GNAS: variants seen among roughly 807,000 people sequenced by gnomAD.
GNAS encodes protein ALEX.
Under a neutral mutation model 54.5 loss-of-function variants are expected in GNAS, and 8 were observed. The ratio of observed to expected loss-of-function variants is 0.15; its 90% CI spans 0.09 to 0.26. The LOEUF is 0.26. GNAS is among the 10% of genes least tolerant of loss of function. The probability of loss-of-function intolerance (pLI) is 1.00; values close to 1 mark genes in which losing one functional copy is unlikely to be tolerated. For synonymous variants in GNAS, 204 were observed against 191.4 expected (o/e 1.07, Z -0.54); for missense variants, 170 against 529.8 (o/e 0.32, Z 6.67).
intron 3 of GNAS, among the ~76,000 whole-genome samples, chr20:58,901,800 G>T (rs1210889369): frequency 6.6e-6 from 1 of 151,728 alleles, no homozygotes; most frequent in East Asian, 1.9e-4. Flanking sequence ...TTTGTGGAAG[G>T]CCTGTCGACA....
chr20:58,866,917 C>G (rs77057913), intron 1 of GNAS, among the ~76,000 whole-genome samples: 3,409 of 152,134 alleles, frequency 0.022, 66 homozygotes, highest in Middle Eastern at 0.054. Flanking sequence ...TTAGCTTTTA[C>G]TATCAGGATT....
intron 1 of GNAS, among the ~76,000 whole-genome samples, chr20:58,860,342 TTTTTGTTTTG>T (rs531282450): frequency 6.6e-6 from 1 of 152,042 alleles, no homozygotes; most frequent in African/African-American, 2.4e-5. Flanking sequence ...TTTTTTGGTT[TTTTTGTTTTG>T]TTTTGTTTTG....
chr20:58,880,432 C>G (rs763188142), intron 1 of GNAS, among the ~76,000 whole-genome samples: 1 of 152,034 alleles, frequency 6.6e-6, no homozygotes, highest in Non-Finnish European at 1.5e-5. Flanking sequence ...TACCACATAC[C>G]GAGAATTTCA....
In GNAS at chr20:58,910,467, C is replaced by T; in HGVS notation, c.1038+66C>T. 1 of 1,344,844 alleles carries T rather than the reference C, an allele frequency of 7.4e-7. No homozygotes were observed. Among genetic ancestry groups the T allele is most frequent in the South Asian group, 1.2e-5 (1 of 85,640 alleles). 83.3% of individuals were successfully genotyped at this position (1,344,844 alleles called of 1,614,324 possible). On this transcript the variant is annotated intron_variant, in intron 12 of 12. Coordinates refer to ENST00000371085, the MANE Select transcript of GNAS (RefSeq NM_000516.7). The surrounding 1 kb of genome is among the most constrained non-coding windows in gnomAD (Gnocchi z 5.8). ...TCTTTTTCTCATGGATGTAAATTTA[C>T]TTAATTCCAAATTCAGGGGTTCAGC... is the stretch of plus-strand genomic sequence containing the variant.
At chr20:58,839,812 CG>C (rs1431804157), upstream of GNAS, 11 of 585,224 alleles carry the variant, frequency 1.9e-5, no homozygotes, top group South Asian at 2.4e-4. Context: ...TCTTAGGCTG[CG>C]GAATCTAAGA....
intron 1 of GNAS, among the ~76,000 whole-genome samples, chr20:58,876,320 C>T (rs923185487): frequency 6.6e-6 from 1 of 151,826 alleles, no homozygotes; most frequent in Non-Finnish European, 1.5e-5. Flanking sequence ...ATTATGAGTC[C>T]CTCCCATAAT....
chr20:58,854,505 G>T, intron 1 of GNAS: 1 of 1,575,892 alleles, frequency 6.3e-7, no homozygotes, highest in East Asian at 2.3e-5. Flanking sequence ...TCCCGACTCC[G>T]GGACAGCACC....
chr20:58,901,883 G>C (rs938468790), intron 3 of GNAS, among the ~76,000 whole-genome samples: 2 of 128,788 alleles, frequency 1.6e-5, no homozygotes, highest in African/African-American at 3.1e-5. Flanking sequence ...TGCCCTGCTC[G>C]TCTGCTCGTC....
chr20:58,897,117 C>T (rs1601044678), intron 2 of GNAS, among the ~76,000 whole-genome samples: 1 of 152,312 alleles, frequency 6.6e-6, no homozygotes, highest in East Asian at 1.9e-4. Flanking sequence ...GGTTGGGATG[C>T]ACAGGGGGCT....
chr20:58,872,972 G>T (rs1047375808), intron 1 of GNAS, among the ~76,000 whole-genome samples: 5 of 152,212 alleles, frequency 3.3e-5, no homozygotes, highest in African/African-American at 1.2e-4. Flanking sequence ...CAACCACAAA[G>T]GCAGAAGTGG....
rs2091369282 is a variant in GNAS at position 58,910,565 on chromosome 20, T to C, written c.1039-118T>C. 1 of 1,341,680 alleles carries C rather than the reference T, an allele frequency of 7.5e-7. No individual in the cohort carries two copies. Among genetic ancestry groups the C allele is most frequent in the African/African-American group, 1.4e-5 (1 of 69,682 alleles). 83.1% of individuals were successfully genotyped at this position (1,341,680 alleles called of 1,614,324 possible). On this transcript the variant is annotated intron_variant, in intron 12 of 12. Coordinates refer to ENST00000371085, the MANE Select transcript of GNAS (RefSeq NM_000516.7). The surrounding 1 kb of genome is among the most constrained non-coding windows in gnomAD (Gnocchi z 5.8). ...GCTCTTTGCGCCCCTCTTTTTGCTT[T>C]TGTTTTCATATGACATCAGAGGCTG...
chr20:58,839,780 C>T, upstream of GNAS: 1 of 569,748 alleles, frequency 1.8e-6, no homozygotes, highest in African/African-American at 1.9e-5. Context: ...GCAAGAGGAC[C>T]GGCGGAGGCA....
intron 1 of GNAS, chr20:58,852,898 AT>A: frequency 3.5e-6 from 2 of 567,010 alleles, no homozygotes; most frequent in Non-Finnish European, 4.7e-6. Flanking sequence ...GCTACTGGCG[AT>A]TTTCGGACCG....
intron 1 of GNAS, among the ~76,000 whole-genome samples, chr20:58,858,786 TTCTCTCTC>T (rs140651291): frequency 4.6e-5 from 7 of 150,540 alleles, no homozygotes; most frequent in African/African-American, 1.7e-4. Flanking sequence ...TATTTTTCTT[TTCTCTCTC>T]TCTCTCTCTC....
At chr20:58,840,096 T>A (rs969325846), upstream of GNAS, 3 of 1,609,732 alleles carry the variant, frequency 1.9e-6, no homozygotes, top group Non-Finnish European at 2.5e-6. This position sits in a 1 kb window ranked among gnomAD's most constrained non-coding sequence, Gnocchi z 6.0. Context: ...TCTCGGTGTG[T>A]GCCTAAGAGG....
intron 1 of GNAS, among the ~76,000 whole-genome samples, chr20:58,893,209 TG>T (rs1313551806): frequency 6.6e-6 from 1 of 151,734 alleles, no homozygotes; most frequent in Non-Finnish European, 1.5e-5. Context: ...TGTTTGGTTT[TG>T]GGTTTTCTTT....
intron 1 of GNAS, among the ~76,000 whole-genome samples, chr20:58,894,425 T>C (rs13433254): frequency 0.052 from 7,898 of 152,306 alleles, 324 homozygotes; most frequent in African/African-American, 0.11. Context: ...TTTACAGATA[T>C]TGATTACGGG....
chr20:58,853,146 G>C lies in GNAS; in HGVS notation c.43+12260G>C. 1 of 1,435,030 alleles carries C rather than the reference G, an allele frequency of 7.0e-7. No homozygotes were observed. Among genetic ancestry groups the C allele is most frequent in the Non-Finnish European group, 9.1e-7 (1 of 1,099,212 alleles). 88.9% of individuals were successfully genotyped at this position (1,435,030 alleles called of 1,614,324 possible). A position where few individuals can be genotyped will look rare whatever the true frequency, so the allele number is the denominator to read the frequency against. On this transcript the variant is annotated intron_variant, in intron 1 of 12. Coordinates refer to the GNAS transcript ENST00000306090. The surrounding 1 kb of genome is among the most constrained non-coding windows in gnomAD (Gnocchi z 4.4). The stretch of plus-strand genomic sequence containing the variant: ...TCACAAGGGTTGGAAAGTGAGGCCG[G>C]TGAACTTTCCAGCTGGTACTTTGAT...
chr20:58,906,566 C>G (rs2091066592), intron 6 of GNAS, among the ~76,000 whole-genome samples: 1 of 152,224 alleles, frequency 6.6e-6, no homozygotes, highest in South Asian at 2.1e-4. Flanking sequence ...GAGTCTCACT[C>G]TGTCACCCAG....
Sources: gnomAD v4.1 joint callset for allele counts (sites outside exome capture counted in the v4.1 genomes callset) on GRCh38, gnomAD v4.1.1 for gene constraint, Gnocchi (gnomAD v3.1) non-coding constraint, MANE v1.5 for transcripts, NCBI Gene and HGNC (gene_info 2026-07-23, HGNC 2026-07-21) for gene names.